Variants in DNAH8 observed in about 807,000 individuals in gnomAD.
DNAH8 encodes dynein axonemal heavy chain 8, also known as axonemal beta dynein heavy chain 8.
DNAH8 carries 382 observed loss-of-function variants against 562.1 expected under a neutral mutation model. The ratio of observed to expected loss-of-function variants is 0.68; its 90% CI spans 0.63 to 0.74. The LOEUF is 0.74. DNAH8 is among the 30% of genes least tolerant of loss of function. DNAH8 has a pLI of 0.00. For missense variants in DNAH8, 5,203 were observed against 5,620.4 expected, an observed-to-expected ratio of 0.93 and a Z score of 2.37; for synonymous variants, 1,881 against 1,919.4, an observed-to-expected ratio of 0.98 and a Z score of 0.52.
At chr6:38,945,320 A>C in intron 79 of DNAH8, 147 bp from the exon 80 acceptor site, 1 of 823,202 alleles carries the variant, frequency 1.2e-6, no homozygotes, top group Non-Finnish European at 1.9e-6. Flanking sequence ...GTACCAAAAA[A>C]CCCTCACATT....
intron 75 of DNAH8, among the ~76,000 whole-genome samples, chr6:38,931,104 T>C (rs981013631): frequency 6.6e-6 from 1 of 152,166 alleles, no homozygotes; most frequent in Non-Finnish European, 1.5e-5. Context: ...TAGATTTTTA[T>C]CTGCAATGTG....
In DNAH8 at chr6:38,750,579, AC is replaced by A; in HGVS notation, c.1399del (p.His467MetfsTer3). 6.3e-7 allele frequency: 1 copy of A among 1,586,794 alleles called. No homozygotes were observed. Among genetic ancestry groups the A allele is most frequent in the Non-Finnish European group, 8.6e-7 (1 of 1,157,922 alleles). ...TLEKVCQPLY[N>X]HDLVSMAHGI... Reference sequence around the variant, plus strand: ...GAAAAAGTGTGTCAACCTCTCTATAACCATGACCTAGTAAGTATGCTTTTAA... The same window carrying A: ...GAAAAAGTGTGTCAACCTCTCTATAACATGACCTAGTAAGTATGCTTTTAA... On this transcript the variant is annotated frameshift_variant, in exon 9 of 93. Transcript: ENST00000327475. LOFTEE classifies it high-confidence loss of function.
intron 22 of DNAH8, 93 bp from the exon 23 acceptor site, chr6:38,805,388 A>C: frequency 1.3e-6 from 1 of 760,180 alleles, no homozygotes; most frequent in Non-Finnish European, 2.2e-6. Flanking sequence ...AGAGCTTTTT[A>C]AAAAGGAACT....
At chr6:38,994,183 G>A (rs13192951) in intron 88 of DNAH8, among the ~76,000 whole-genome samples, 2 of 151,830 alleles carry the variant, frequency 1.3e-5, no homozygotes, top group African/African-American at 2.4e-5. Context: ...ATATACTTAA[G>A]GGCTATTTAT....
chr6:38,961,639 TTA>T (rs1561918322), intron 82 of DNAH8, among the ~76,000 whole-genome samples: 131 of 152,142 alleles, frequency 8.6e-4, no homozygotes, highest in African/African-American at 3.1e-3. Flanking sequence ...AAAAGCCATT[TTA>T]TAAAAATTCA....
chr6:38,950,447 T>C (rs1238777505), intron 81 of DNAH8, among the ~76,000 whole-genome samples: 1 of 151,650 alleles, frequency 6.6e-6, no homozygotes, highest in Non-Finnish European at 1.5e-5. Context: ...AAAAGGCTTT[T>C]TTTTTTTTTT....
At position 38,737,186 on chromosome 6, in the gene DNAH8, G is replaced by A. The variant is rs1161276181; in HGVS notation, c.882G>A (p.Gln294=). 1 of 1,553,388 alleles carries A rather than the reference G, an allele frequency of 6.4e-7. No individual in the cohort carries two copies. Among genetic ancestry groups the A allele is most frequent in the South Asian group, 1.3e-5 (1 of 79,722 alleles). The change falls in exon 6 of 93, where the codon CAG becomes CAA. Residue 294 remains glutamine, a synonymous_variant. Transcript: ENST00000327475. ...LATNNWGALN[Q]SKQGESEKHI... is the part of the protein sequence containing the mutation. ...CAAACAACTGGGGTGCTTTAAACCA[G>A]TCCAAGCAGGGAGAATCTGAAAAAC... is the stretch of plus-strand genomic sequence containing the variant.
At chr6:38,837,676 A>G (rs1774413071) in intron 32 of DNAH8, among the ~76,000 whole-genome samples, 2 of 152,318 alleles carry the variant, frequency 1.3e-5, no homozygotes, top group African/African-American at 4.8e-5. Context: ...TACTTATGGG[A>G]ACTCGAAATA....
At chr6:38,740,274 G>C (rs967600389) in intron 7 of DNAH8, among the ~76,000 whole-genome samples, 2 of 152,128 alleles carry the variant, frequency 1.3e-5, no homozygotes, top group Non-Finnish European at 2.9e-5. Context: ...TTCATTGAAT[G>C]TGTACATGAA....
intron 89 of DNAH8, among the ~76,000 whole-genome samples, chr6:39,009,951 A>G (rs1411009640): frequency 1.3e-5 from 2 of 152,202 alleles, no homozygotes; most frequent in Non-Finnish European, 2.9e-5. Flanking sequence ...TCTTCAAAAA[A>G]CAAGGCAGCA....
chr6:38,967,661 A>C (rs1003467694), intron 82 of DNAH8, among the ~76,000 whole-genome samples: 5 of 152,214 alleles, frequency 3.3e-5, no homozygotes, highest in African/African-American at 1.2e-4. Flanking sequence ...TCCAGTGTTC[A>C]TGGATCAGGA....
In DNAH8 at chr6:38,945,520, C is replaced by G; in HGVS notation, c.12061C>G (p.Leu4021Val). The change falls in exon 80 of 93, where the codon CTT becomes GTT. Residue 4021 changes from leucine to valine, a missense_variant. Physicochemically the swap from Leu to Val is conservative, Grantham distance 32. Around this residue, in one of 6 missense-constraint regions of DNAH8, gnomAD observed 1,399 missense variants for 1,518.4 expected, o/e 0.92. Transcript: ENST00000327475. ...TCCTCCCAAACCCTATCGCTGGATC[C>G]TTGACATGACTTGGCTGAATCTTGT... ...ACPPKPYRWI[L>V]DMTWLNLVEL... 6.2e-7 allele frequency: 1 copy of G among 1,614,186 alleles called. No homozygotes were observed. Among genetic ancestry groups the G allele is most frequent in the Non-Finnish European group, 8.5e-7 (1 of 1,180,020 alleles).
At chr6:38,988,720 T>C (rs2150728461) in intron 87 of DNAH8, among the ~76,000 whole-genome samples, 1 of 152,284 alleles carries the variant, frequency 6.6e-6, no homozygotes, top group South Asian at 2.1e-4. Context: ...TTTGCATCAG[T>C]TCTATAACTT....
intron 1 of DNAH8, among the ~76,000 whole-genome samples, chr6:38,715,947 TATATATA>T (rs1275455029): frequency 2.2e-3 from 50 of 23,106 alleles, no homozygotes; most frequent in Non-Finnish European, 3.0e-3. Flanking sequence ...TATATATATA[TATATATA>T]TATATATTTT....
At position 38,868,059 on chromosome 6, in the gene DNAH8, C is replaced by T. The variant is rs1165538910; in HGVS notation, c.6694-3C>T. 1 of 1,606,208 alleles carries T rather than the reference C, an allele frequency of 6.2e-7. No homozygotes were observed. ...ATCTTTTTGCCCTCTTCTCCCATCT[C>T]AGGTTCATTATGACTTTGGATTGAG... is the stretch of plus-strand genomic sequence containing the variant. On this transcript the variant is annotated splice_region_variant and splice_polypyrimidine_tract_variant and intron_variant, in intron 47 of 92. Coordinates refer to ENST00000327475, the MANE Select transcript of DNAH8 (RefSeq NM_001206927.2).
At chr6:38,879,748 G>T (rs1036858902) in intron 53 of DNAH8, among the ~76,000 whole-genome samples, 1 of 152,082 alleles carries the variant, frequency 6.6e-6, no homozygotes, top group Non-Finnish European at 1.5e-5. Context: ...AATGTCTATA[G>T]ATTAGAAAAG....
At chr6:38,826,038 A>G (rs779789779) in intron 28 of DNAH8, 118 bp from the exon 29 acceptor site, 7 of 636,866 alleles carry the variant, frequency 1.1e-5, no homozygotes, top group African/African-American at 3.7e-5. Flanking sequence ...CCACATTTCA[A>G]GTGTTCAAAA....
rs147057725 is a variant in DNAH8, at chr6:38,987,200, C to T, written c.13054-2812C>T. On this transcript the variant is annotated intron_variant, in intron 87 of 92. Transcript: ENST00000327475. ...AGAGCCTCCAGGGAGATGTCTGAGC[C>T]GGGAGCACACGGAGGGGGAGGAAGA... is the stretch of plus-strand genomic sequence containing the variant. Among the ~76,000 whole-genome samples, 690 of 152,256 alleles carry T rather than the reference C, an allele frequency of 4.5e-3. 2 individuals are homozygous for T. Among genetic ancestry groups the T allele is most frequent in the African/African-American group, 0.016 (644 of 41,538 alleles).
At chr6:38,742,671 A>G (rs72858250) in intron 8 of DNAH8, among the ~76,000 whole-genome samples, 27,442 of 151,924 alleles carry the variant, frequency 0.18, 3,303 homozygotes, top group Non-Finnish European at 0.27. Flanking sequence ...TTTTTTGGTA[A>G]TAGATTTAAG....
Sources: allele counts gnomAD v4.1 joint callset (sites outside exome capture counted in the v4.1 genomes callset), GRCh38; gene constraint gnomAD v4.1.1; regional missense constraint gnomAD v4.1.1; transcripts MANE v1.5; gene names NCBI Gene and HGNC (gene_info 2026-07-23, HGNC 2026-07-21).